SARM1: variants seen among roughly 807,000 people sequenced by gnomAD.
The protein encoded by SARM1 is NAD(+) hydrolase SARM1.
Under a neutral mutation model 65.1 loss-of-function variants are expected in SARM1, and 60 were observed. The ratio of observed to expected loss-of-function variants is 0.92; its 90% CI spans 0.75 to 1.14. The LOEUF (loss-of-function observed/expected upper bound fraction) is 1.14, where lower values mean the gene tolerates loss of function less well. Among genes scored for constraint, SARM1 ranks in the 50% most tolerant of loss-of-function variants. SARM1 has a pLI of 0.00. For missense variants in SARM1, 913 were observed against 1,015.7 expected (o/e 0.90, Z 1.37); for synonymous variants, 417 against 465.4 (o/e 0.90, Z 1.34).
chr17:28,396,077 C>T (rs1555587850), intron 8 of SARM1, 51 bp downstream of exon 8: 1 of 1,613,550 alleles, frequency 6.2e-7, no homozygotes, highest in Non-Finnish European at 8.5e-7. Context: ...ATCACCATGA[C>T]AGGCAGAGTG....
At position 28,372,457 on chromosome 17, in the gene SARM1, T is replaced by C. The variant is rs1555584215; in HGVS notation, c.425T>C (p.Val142Ala). Residue 142 changes from valine to alanine, a missense_variant, in exon 1 of 9, where the codon GTG (valine) becomes GCG (alanine). Around this residue, in one of 3 missense-constraint regions of SARM1, gnomAD observed 862 missense variants for 952.1 expected, o/e 0.91. Transcript: ENST00000585482. The surrounding 1 kb of genome is among the most constrained non-coding windows in gnomAD (Gnocchi z 5.2). The stretch of plus-strand genomic sequence containing the variant: ...CAGGCGCCGGAGTTGGAGACGCGTG[T>C]GCAGGCCGCGCGCCTGCTGGAGCAG... ...LLQAPELETR[V>A]QAARLLEQIL... The C allele has an allele frequency of 6.5e-7, 1 of 1,530,676 alleles. No individual in the cohort carries two copies. Among genetic ancestry groups the C allele is most frequent in the African/African-American group, 1.4e-5 (1 of 72,300 alleles). The allele number at this position is 1,530,676 out of a possible 1,614,324, so 94.8% of individuals were successfully genotyped here.
chr17:28,384,583 G>T lies in SARM1; in HGVS notation c.1302+14G>T, dbSNP rs782712901. The T allele has an allele frequency of 2.5e-6, 4 of 1,578,928 alleles. No homozygotes were observed. The highest frequency in any genetic ancestry group is 3.4e-6 in the Non-Finnish European group (4 of 1,162,290). On this transcript the variant is annotated intron_variant, in intron 3 of 8. Transcript: ENST00000585482. The surrounding 1 kb of genome is among the most constrained non-coding windows in gnomAD (Gnocchi z 4.4). ...GAGAGCTTCCGGGTAGAGTCGCGTG[G>T]GATACGCCTCCCCCGAGTCAGAGCG...
At position 28,379,252 on chromosome 17, in the gene SARM1, A is replaced by T. The variant is rs532380549; in HGVS notation, c.471-1951A>T. ...ATGGCCTTTGAAATAAAATAAAATG[A>T]TTTAGGTGAAGAAACTCTAGGAAAG... On this transcript the variant is annotated intron_variant, in intron 1 of 8. Coordinates refer to ENST00000585482, the MANE Select transcript of SARM1 (RefSeq NM_015077.4). 2.9e-5 allele frequency among the ~76,000 whole-genome samples: 4 copies of T among 137,976 alleles called. No individual in the cohort carries two copies. In the South Asian group the frequency reaches 9.8e-4, roughly 34 times the overall value. 90.5% of individuals were successfully genotyped at this position (137,976 alleles called of 152,430 possible).
intron 1 of SARM1, among the ~76,000 whole-genome samples, chr17:28,379,615 C>A (rs1555584954): frequency 6.6e-6 from 1 of 152,064 alleles, no homozygotes; most frequent in Non-Finnish European, 1.5e-5. Context: ...CGGCCTAGAT[C>A]ATTTTAAGAA....
rs137938585 is a variant in SARM1, at chr17:28,384,558, G to A, written c.1291G>A (p.Glu431Lys). ...LQQIGFSKYC[E>K]SFREQQVDGD... ...GCAGATCGGTTTCTCCAAGTACTGC[G>A]AGAGCTTCCGGGTAGAGTCGCGTGG... Residue 431 changes from glutamate (E) to lysine (K), a missense_variant, in exon 3 of 9, where the codon GAG becomes AAG. By Grantham distance (56) the Glu-to-Lys change is moderately conservative. Transcript: ENST00000585482. This position sits in a 1 kb window ranked among gnomAD's most constrained non-coding sequence, Gnocchi z 4.4. 17 of 1,606,316 alleles carry A rather than the reference G, an allele frequency of 1.1e-5. No individual in the cohort carries two copies. The East Asian group carries it at 3.8e-4, about 36-fold the overall frequency.
chr17:28,388,432 A>G lies in SARM1; in HGVS notation c.1816A>G (p.Lys606Glu). 6.2e-7 allele frequency: 1 copy of G among 1,614,012 alleles called. No homozygotes were observed. The highest frequency in any genetic ancestry group is 8.5e-7 in the Non-Finnish European group (1 of 1,179,884). The change falls in exon 7 of 9, where the codon AAA (lysine) becomes GAA (glutamate). Residue 606 changes from lysine to glutamate, a missense_variant. Physicochemically the swap from Lys to Glu is moderately conservative, Grantham distance 56. Transcript: ENST00000585482. The stretch of plus-strand genomic sequence containing the variant: ...GCTGGAAGCAGGCAAGTTCGAGGAC[A>G]AACTCATCCAGAGTGTCATGGGTGC... ...EKLEAGKFED[K>E]LIQSVMGARN...
rs781966573 is a variant in SARM1 at position 28,384,578 on chromosome 17, G to A, written c.1302+9G>A. ...ACTGCGAGAGCTTCCGGGTAGAGTCGCGTGGGATACGCCTCCCCCGAGTCA... is the reference window on the plus strand; with the variant it reads ...ACTGCGAGAGCTTCCGGGTAGAGTCACGTGGGATACGCCTCCCCCGAGTCA... On this transcript the variant is annotated intron_variant, in intron 3 of 8. Coordinates refer to ENST00000585482, the MANE Select transcript of SARM1 (RefSeq NM_015077.4). The surrounding 1 kb of genome is among the most constrained non-coding windows in gnomAD (Gnocchi z 4.4). 2.5e-6 allele frequency: 4 copies of A among 1,587,910 alleles called. No homozygotes were observed. The highest frequency in any genetic ancestry group is 3.4e-6 in the Non-Finnish European group (4 of 1,167,494).
At chr17:28,386,862 C>T (rs2068052423) in intron 5 of SARM1, among the ~76,000 whole-genome samples, 1 of 152,190 alleles carries the variant, frequency 6.6e-6, no homozygotes, top group Admixed American at 6.5e-5. Context: ...ACCTCACCTC[C>T]CAAGTAGCTG....
chr17:28,401,100 A>G lies in SARM1; in HGVS notation c.*4814A>G, dbSNP rs2068192594. On this transcript the variant is annotated 3_prime_UTR_variant, in exon 9 of 9. Coordinates refer to ENST00000585482, the MANE Select transcript of SARM1 (RefSeq NM_015077.4). Reference sequence around the variant, plus strand: ...GATGGAAATGGCTTTTTTCTGGTTTATCCTCTTTGGAATCATCTCCTGTTT... The same window carrying G: ...GATGGAAATGGCTTTTTTCTGGTTTGTCCTCTTTGGAATCATCTCCTGTTT... 3 of 360,320 alleles carry G rather than the reference A, an allele frequency of 8.3e-6. No homozygotes were observed. The highest frequency in any genetic ancestry group is 2.1e-5 in the African/African-American group (1 of 47,314). 22.3% of individuals were successfully genotyped at this position (360,320 alleles called of 1,614,324 possible). A position where few individuals can be genotyped will look rare whatever the true frequency, so the allele number is the denominator to read the frequency against.
intron 2 of SARM1, 132 bp downstream of exon 2, chr17:28,381,953 G>A: frequency 8.4e-7 from 1 of 1,190,278 alleles, no homozygotes. Context: ...AGGAGGAGCG[G>A]GCCAGTCATT....
rs1210996283 is a variant in SARM1, at chr17:28,384,611, CG to C, written c.1302+43del. 7.9e-6 allele frequency: 12 copies of C among 1,518,160 alleles called. No homozygotes were observed. Among genetic ancestry groups the C allele is most frequent in the Non-Finnish European group, 9.8e-6 (11 of 1,124,120 alleles). The allele number at this position is 1,518,160 out of a possible 1,614,324, so 94.0% of individuals were successfully genotyped here. On this transcript the variant is annotated intron_variant, in intron 3 of 8. Transcript: ENST00000585482. The surrounding 1 kb of genome is among the most constrained non-coding windows in gnomAD (Gnocchi z 4.4). Reference sequence around the variant, plus strand: ...TACGCCTCCCCCGAGTCAGAGCGGGCGCCCTGTGCACAGGGACTGCGTTCCC... The same window carrying C: ...TACGCCTCCCCCGAGTCAGAGCGGGCCCCTGTGCACAGGGACTGCGTTCCC...
At chr17:28,392,708 T>C (rs782009039) in intron 7 of SARM1, among the ~76,000 whole-genome samples, 2 of 152,014 alleles carry the variant, frequency 1.3e-5, no homozygotes, top group Non-Finnish European at 2.9e-5. Context: ...ATCTGTAAAA[T>C]GGAGCGGCTC....
chr17:28,400,285 G>C lies in SARM1; in HGVS notation c.*3999G>C, dbSNP rs2068180044. The stretch of plus-strand genomic sequence containing the variant: ...CACAACTAGCTGACAAAGCTTCCTG[G>C]CCTTCCCTTTAACACAGTTCTGCTG... On this transcript the variant is annotated 3_prime_UTR_variant, in exon 9 of 9. Coordinates refer to ENST00000585482, the MANE Select transcript of SARM1 (RefSeq NM_015077.4). 1 of 320,006 alleles carries C rather than the reference G, an allele frequency of 3.1e-6. No individual in the cohort carries two copies. Among genetic ancestry groups the C allele is most frequent in the Non-Finnish European group, 5.9e-6 (1 of 169,590 alleles). The allele number at this position is 320,006 out of a possible 1,614,324, so 19.8% of individuals were successfully genotyped here. A position where few individuals can be genotyped will look rare whatever the true frequency, so the allele number is the denominator to read the frequency against.
In SARM1 at chr17:28,388,162, T is replaced by G. The variant is rs1555586315; in HGVS notation, c.1631-12T>G. 2.0e-6 allele frequency: 3 copies of G among 1,537,500 alleles called. No homozygotes were observed. The highest frequency in any genetic ancestry group is 2.4e-5 in the South Asian group (2 of 83,756). ...GGGCCACCTTCACCATGCTGCCTAT[T>G]GCCCACTTCAGAAATGCTACACTCC... is the stretch of plus-strand genomic sequence containing the variant. On this transcript the variant is annotated splice_polypyrimidine_tract_variant and intron_variant, in intron 5 of 8. Transcript: ENST00000585482.
intron 7 of SARM1, among the ~76,000 whole-genome samples, chr17:28,390,978 T>C (rs1860364684): frequency 6.6e-6 from 1 of 152,086 alleles, no homozygotes; most frequent in African/African-American, 2.4e-5. Flanking sequence ...AAGCTAGGCT[T>C]CAAATTCCAT....
intron 7 of SARM1, among the ~76,000 whole-genome samples, chr17:28,390,987 A>G (rs1300200165): frequency 6.6e-6 from 1 of 152,190 alleles, no homozygotes; most frequent in Non-Finnish European, 1.5e-5. Flanking sequence ...TTCAAATTCC[A>G]TCTATCTGAC....
At chr17:28,376,529 C>T (rs535589342) in intron 1 of SARM1, among the ~76,000 whole-genome samples, 27 of 151,326 alleles carry the variant, frequency 1.8e-4, no homozygotes, top group South Asian at 8.4e-4. Flanking sequence ...GCTGAGATTG[C>T]GCCACTGCAC....
intron 1 of SARM1, among the ~76,000 whole-genome samples, chr17:28,374,468 C>T (rs1482582839): frequency 6.6e-6 from 1 of 151,908 alleles, no homozygotes; most frequent in Non-Finnish European, 1.5e-5. Context: ...ACTCGGCAGG[C>T]AGAGGCTGCA....
chr17:28,399,256 C>T lies in SARM1; in HGVS notation c.*2970C>T, dbSNP rs1003506774. 3 of 191,084 alleles carry T rather than the reference C, an allele frequency of 1.6e-5. No individual in the cohort carries two copies. Among genetic ancestry groups the T allele is most frequent in the Admixed American group, 5.5e-5 (1 of 18,298 alleles). The allele number at this position is 191,084 out of a possible 1,614,324, so 11.8% of individuals were successfully genotyped here. ...TGATGACTGCTACACGTGTTGGGAACCTGGTTGGGGCTGTGCAGTTTGGGC... is the reference window on the plus strand; with the variant it reads ...TGATGACTGCTACACGTGTTGGGAATCTGGTTGGGGCTGTGCAGTTTGGGC... On this transcript the variant is annotated 3_prime_UTR_variant, in exon 9 of 9. Coordinates refer to ENST00000585482, the MANE Select transcript of SARM1 (RefSeq NM_015077.4).
Sources: gnomAD v4.1 joint callset for allele counts (sites outside exome capture counted in the v4.1 genomes callset) on GRCh38, gnomAD v4.1.1 for gene constraint, gnomAD v4.1.1 regional missense constraint, Gnocchi (gnomAD v3.1) non-coding constraint, MANE v1.5 for transcripts, NCBI Gene and HGNC (gene_info 2026-07-23, HGNC 2026-07-21) for gene names.